Variants in TMEM26 observed in about 807,000 individuals in gnomAD.
The protein encoded by TMEM26 is transmembrane protein 26.
A neutral mutation model predicts 28.8 loss-of-function variants in TMEM26; 38 were observed. That is an observed-to-expected ratio of 1.32 (90% CI 1.02 to 1.73). The LOEUF (loss-of-function observed/expected upper bound fraction) is 1.73, where lower values mean the gene tolerates loss of function less well. Among genes scored for constraint, TMEM26 ranks in the 40% most tolerant of loss-of-function variants. The probability of loss-of-function intolerance (pLI) is 0.00; values close to 1 mark genes in which losing one functional copy is unlikely to be tolerated. For synonymous variants in TMEM26, 227 were observed against 182.9 expected (o/e 1.24, Z -1.95); for missense variants, 518 against 447.1 (o/e 1.16, Z -1.43).
At chr10:61,439,674 G>C (rs1258982928) in intron 1 of TMEM26, among the ~76,000 whole-genome samples, 1 of 152,176 alleles carries the variant, frequency 6.6e-6, no homozygotes, top group Non-Finnish European at 1.5e-5. Context: ...CCCTGAAACT[G>C]AATGTCCTCA....
intron 4 of TMEM26, among the ~76,000 whole-genome samples, chr10:61,420,445 C>T (rs532611246): frequency 6.6e-6 from 1 of 152,026 alleles, no homozygotes; most frequent in South Asian, 2.1e-4. Context: ...TACATCGACC[C>T]ACACAGTTCA....
intron 4 of TMEM26, chr10:61,414,785 A>T (rs1839623753): frequency 5.7e-6 from 1 of 174,534 alleles, no homozygotes; most frequent in Non-Finnish European, 1.1e-5. Context: ...CACTCAATTA[A>T]ACTTAGTTCC....
chr10:61,433,828 A>C (rs1839960360), intron 2 of TMEM26, among the ~76,000 whole-genome samples: 1 of 152,180 alleles, frequency 6.6e-6, no homozygotes, highest in African/African-American at 2.4e-5. Context: ...GAGAAGGGCA[A>C]TATGGTTTAA....
intron 4 of TMEM26, among the ~76,000 whole-genome samples, chr10:61,427,571 T>C (rs1839852459): frequency 6.6e-6 from 1 of 152,128 alleles, no homozygotes; most frequent in African/African-American, 2.4e-5. Context: ...GATCTATAAA[T>C]TGCTCCTTGG....
chr10:61,419,069 T>C (rs1485704397), intron 4 of TMEM26, among the ~76,000 whole-genome samples: 2 of 151,904 alleles, frequency 1.3e-5, no homozygotes, highest in Admixed American at 1.3e-4. Context: ...AAAATAAAAC[T>C]AGGAATTTTT....
At chr10:61,417,936 C>T (rs1219180891) in intron 4 of TMEM26, among the ~76,000 whole-genome samples, 1 of 151,998 alleles carries the variant, frequency 6.6e-6, no homozygotes, top group Non-Finnish European at 1.5e-5. Context: ...GATCAGGGCT[C>T]TGAAAATCAA....
intron 4 of TMEM26, among the ~76,000 whole-genome samples, chr10:61,421,645 A>T (rs1839749789): frequency 6.6e-6 from 1 of 152,108 alleles, no homozygotes; most frequent in Non-Finnish European, 1.5e-5. Flanking sequence ...ATATCAACAA[A>T]CAAAGGGACA....
At chr10:61,433,962 T>G (rs993811074) in intron 2 of TMEM26, among the ~76,000 whole-genome samples, 1 of 152,154 alleles carries the variant, frequency 6.6e-6, no homozygotes, top group African/African-American at 2.4e-5. Flanking sequence ...AATGTATGTA[T>G]CATGCCTAAC....
chr10:61,413,135 T>G, intron 5 of TMEM26: 1 of 491,640 alleles, frequency 2.0e-6, no homozygotes, highest in Middle Eastern at 7.0e-4. Flanking sequence ...ATCATCCCTA[T>G]TTCATGGGTG....
chr10:61,410,327 G>T lies in TMEM26; in HGVS notation c.1102C>A (p.Pro368Thr). 1 of 1,608,656 alleles carries T rather than the reference G, an allele frequency of 6.2e-7. No individual in the cohort carries two copies. The highest frequency in any genetic ancestry group is 8.5e-7 in the Non-Finnish European group (1 of 1,176,388). Residue 368 changes from proline (P) to threonine (T), a missense_variant, in exon 6 of 6, where the codon CCT (proline) becomes ACT (threonine). Physicochemically the swap from Pro to Thr is conservative, Grantham distance 38 (BLOSUM62 -1). Coordinates refer to ENST00000399298, the MANE Select transcript of TMEM26 (RefSeq NM_178505.8). Reference protein sequence around the residue: ...PVTSDDSHHTP With the variant: ...PVTSDDSHHTT ...AGACCACTGTCAATCAATAACTAAG[G>T]GGTGTGGTGGGAGTCGTCGGAGGTG... is the stretch of plus-strand genomic sequence containing the variant.
chr10:61,413,312 T>A, intron 5 of TMEM26, 147 bp downstream of exon 5: 1 of 1,387,400 alleles, frequency 7.2e-7, no homozygotes, highest in Non-Finnish European at 9.5e-7. Context: ...CTTACTAAGT[T>A]TCAATCTACT....
intron 1 of TMEM26, among the ~76,000 whole-genome samples, chr10:61,449,245 A>G (rs1840234875): frequency 6.6e-6 from 1 of 151,902 alleles, no homozygotes; most frequent in South Asian, 2.1e-4. Flanking sequence ...GGATTCCAAC[A>G]AATTAAATAT....
intron 1 of TMEM26, among the ~76,000 whole-genome samples, chr10:61,445,959 G>A (rs1833858992): frequency 6.6e-6 from 1 of 152,122 alleles, no homozygotes; most frequent in Non-Finnish European, 1.5e-5. Context: ...TATAGGAGCT[G>A]CCCATGCTAA....
intron 4 of TMEM26, among the ~76,000 whole-genome samples, chr10:61,421,757 G>C (rs1288909120): frequency 6.6e-6 from 1 of 152,076 alleles, no homozygotes; most frequent in African/African-American, 2.4e-5. Context: ...TGGATTCCTA[G>C]CATCTGGAAC....
At position 61,408,523 on chromosome 10, in the gene TMEM26, G is replaced by T. The variant is rs1268197605; in HGVS notation, c.*1799C>A. On this transcript the variant is annotated 3_prime_UTR_variant, in exon 6 of 6. Transcript: ENST00000399298. ...ATAATAAGCAGCACATACATGTTGT[G>T]GAAGAAAATATTCAACATAAAGCAG... 1 of 152,114 alleles carries T rather than the reference G, an allele frequency of 6.6e-6. No homozygotes were observed. Among genetic ancestry groups the T allele is most frequent in the African/African-American group, 2.4e-5 (1 of 41,416 alleles). The allele number at this position is 152,114 out of a possible 1,614,324, so 9.4% of individuals were successfully genotyped here. A position where few individuals can be genotyped will look rare whatever the true frequency, so the allele number is the denominator to read the frequency against.
rs529083333 is a variant in TMEM26, at chr10:61,421,884, G to T, written c.605+7042C>A. Reference sequence around the variant, plus strand: ...AAGACAAAAACTGTACTTAACTGGGGAGGAAAATGCAAGATCCAACTATAA... The same window carrying T: ...AAGACAAAAACTGTACTTAACTGGGTAGGAAAATGCAAGATCCAACTATAA... On this transcript the variant is annotated intron_variant, in intron 4 of 5. Coordinates refer to ENST00000399298, the MANE Select transcript of TMEM26 (RefSeq NM_178505.8). Among the ~76,000 whole-genome samples the T allele has an allele frequency of 3.3e-5, 5 of 152,180 alleles. No homozygotes were observed. The South Asian group carries it at 1.0e-3, about 32-fold the overall frequency.
At chr10:61,410,827 A>G in intron 5 of TMEM26, 81 bp from the exon 6 acceptor site, 2 of 1,301,870 alleles carry the variant, frequency 1.5e-6, no homozygotes, top group Non-Finnish European at 2.2e-6. Flanking sequence ...CGAGTCATTA[A>G]CAATGGGGAC....
At chr10:61,433,562 C>T (rs191905866) in intron 2 of TMEM26, among the ~76,000 whole-genome samples, 3 of 152,190 alleles carry the variant, frequency 2.0e-5, no homozygotes, top group Non-Finnish European at 1.5e-5. Context: ...ACTAAGGTCA[C>T]AATCATTGTC....
chr10:61,418,965 A>G (rs974983828), intron 4 of TMEM26, among the ~76,000 whole-genome samples: 3 of 152,178 alleles, frequency 2.0e-5, no homozygotes, highest in African/African-American at 7.2e-5. Flanking sequence ...AGCAGAAGTC[A>G]TAAGGGCTCA....
Sources: allele counts gnomAD v4.1 joint callset (sites outside exome capture counted in the v4.1 genomes callset), GRCh38; gene constraint gnomAD v4.1.1; transcripts MANE v1.5; gene names NCBI Gene and HGNC (gene_info 2026-07-23, HGNC 2026-07-21).